SLC26A8: variants seen among roughly 807,000 people sequenced by gnomAD.
SLC26A8 encodes the protein solute carrier family 26 member 8, also known as testis anion transporter 1.
In SLC26A8, 70 loss-of-function variants were observed where a neutral mutation model predicts 105.0. That is an observed-to-expected ratio of 0.67 (90% CI 0.55 to 0.81). SLC26A8 has a LOEUF of 0.81. Among genes scored for constraint, SLC26A8 ranks in the 40% least tolerant of loss-of-function variants. The pLI is 0.00. For missense variants in SLC26A8, 998 were observed against 1,181.8 expected (o/e 0.84, Z 2.28); for synonymous variants, 415 against 438.3 (o/e 0.95, Z 0.66).
rs371327114 is a variant in SLC26A8, at chr6:35,976,550, C to CT, written c.1173+653dup. Reference sequence around the variant, plus strand: ...AACTGTATGGTATTAGAAGCCCTCGCTTTTTTTTTTTTTTTTTTGAGATGG... The same window carrying CT: ...AACTGTATGGTATTAGAAGCCCTCGCTTTTTTTTTTTTTTTTTTTGAGATGG... On this transcript the variant is annotated intron_variant, in intron 9 of 19. Coordinates refer to ENST00000490799, the MANE Select transcript of SLC26A8 (RefSeq NM_052961.4). 5.8e-3 allele frequency among the ~76,000 whole-genome samples: 753 copies of CT among 130,124 alleles called. 12 individuals are homozygous for CT. Among genetic ancestry groups the CT allele is most frequent in the South Asian group, 0.013 (54 of 4,068 alleles). 85.4% of individuals were successfully genotyped at this position (130,124 alleles called of 152,430 possible).
intron 11 of SLC26A8, among the ~76,000 whole-genome samples, chr6:35,968,609 G>GTGTGTGTATATATA (rs1168496588): frequency 1.7e-5 from 1 of 60,070 alleles, no homozygotes; most frequent in African/African-American, 5.2e-5. Context: ...GTGTGTGTGT[G>GTGTGTGTATATATA]TATATATATA....
chr6:35,957,712 T>G (rs931336410), intron 16 of SLC26A8, among the ~76,000 whole-genome samples: 2 of 151,936 alleles, frequency 1.3e-5, no homozygotes, highest in East Asian at 3.9e-4. Flanking sequence ...GTTCAAGCGA[T>G]TCTCCTGCCT....
chr6:35,956,428 C>CAA (rs56146863), intron 16 of SLC26A8, among the ~76,000 whole-genome samples: 78 of 105,838 alleles, frequency 7.4e-4, no homozygotes, highest in African/African-American at 1.9e-3. Context: ...ACCTTATGTC[C>CAA]AAAAAAAAAA....
chr6:35,968,899 T>C lies in SLC26A8; in HGVS notation c.1343A>G (p.His448Arg). Reference protein sequence around the residue: ...VMLLLMVKMGHFFYTLPNAVL... With the variant: ...VMLLLMVKMGRFFYTLPNAVL... ...TACATTTGGCAGTGTGTAGAAAAAGTGTCCCATCTTCACCATCAGGAGCAG... is the reference window on the plus strand; with the variant it reads ...TACATTTGGCAGTGTGTAGAAAAAGCGTCCCATCTTCACCATCAGGAGCAG... Residue 448 changes from histidine (H) to arginine (R), a missense_variant, in exon 11 of 20, where the codon CAC becomes CGC. Coordinates refer to ENST00000490799, the MANE Select transcript of SLC26A8 (RefSeq NM_052961.4). 1 of 1,608,974 alleles carries C rather than the reference T, an allele frequency of 6.2e-7. No individual in the cohort carries two copies. Among genetic ancestry groups the C allele is most frequent in the South Asian group, 1.1e-5 (1 of 90,846 alleles).
intron 10 of SLC26A8, among the ~76,000 whole-genome samples, chr6:35,971,475 C>A (rs1271238472): frequency 6.6e-6 from 1 of 152,204 alleles, no homozygotes; most frequent in African/African-American, 2.4e-5. Context: ...GTACAGGGGG[C>A]TCCATGAAGT....
In SLC26A8 at chr6:35,962,606, T is replaced by C. The variant is rs765158766; in HGVS notation, c.1381A>G (p.Ile461Val). 6.2e-7 allele frequency: 1 copy of C among 1,614,134 alleles called. No individual in the cohort carries two copies. Among genetic ancestry groups the C allele is most frequent in the Non-Finnish European group, 8.5e-7 (1 of 1,180,012 alleles). ...YTLPNAVLAGIILSNVIPYLE... is the reference protein window; with the variant it reads ...YTLPNAVLAGVILSNVIPYLE... The stretch of plus-strand genomic sequence containing the variant: ...TAGGGAATGACGTTGCTCAGAATAA[T>C]ACCAGCCAGCACAGCCTGTGGGGAA... The change falls in exon 12 of 20, where the codon ATT (isoleucine) becomes GTT (valine). Residue 461 changes from isoleucine (I) to valine (V), a missense_variant. Transcript: ENST00000490799.
At chr6:35,972,324 TCTGG>T (rs1772827692) in intron 10 of SLC26A8, among the ~76,000 whole-genome samples, 1 of 151,052 alleles carries the variant, frequency 6.6e-6, no homozygotes, top group Non-Finnish European at 1.5e-5. Flanking sequence ...ATCCTAGCAC[TCTGG>T]GGGGCTGAAG....
intron 10 of SLC26A8, among the ~76,000 whole-genome samples, chr6:35,974,972 G>T (rs58179828): frequency 6.6e-6 from 1 of 150,592 alleles, no homozygotes; most frequent in Non-Finnish European, 1.5e-5. Flanking sequence ...TAGCCAGGCT[G>T]GTCTCAAACT....
intron 6 of SLC26A8, 71 bp downstream of exon 6, chr6:35,992,439 T>G: frequency 6.6e-7 from 1 of 1,513,876 alleles, no homozygotes; most frequent in East Asian, 2.3e-5. Context: ...GTCTCCCTAC[T>G]GAGCTCCACT....
intron 19 of SLC26A8, among the ~76,000 whole-genome samples, chr6:35,949,953 G>A (rs1188402874): frequency 5.9e-5 from 9 of 151,434 alleles, no homozygotes; most frequent in Admixed American, 2.0e-4. Flanking sequence ...CTACAGGCGC[G>A]TGCCACCACG....
At chr6:35,989,172 G>A (rs1773653391) in intron 7 of SLC26A8, among the ~76,000 whole-genome samples, 1 of 151,990 alleles carries the variant, frequency 6.6e-6, no homozygotes. Flanking sequence ...TTATACGCCA[G>A]GTAACTGCCA....
chr6:35,956,897 C>T (rs1399931894), intron 16 of SLC26A8, among the ~76,000 whole-genome samples: 3 of 143,160 alleles, frequency 2.1e-5, no homozygotes, highest in Non-Finnish European at 4.5e-5. Flanking sequence ...CCAGCCTGGG[C>T]AATAAGAGCA....
chr6:36,012,282 C>T lies in SLC26A8; in HGVS notation c.279G>A (p.Leu93=). 1 of 1,611,886 alleles carries T rather than the reference C, an allele frequency of 6.2e-7. No individual in the cohort carries two copies. The highest frequency in any genetic ancestry group is 8.5e-7 in the Non-Finnish European group (1 of 1,179,396). The change falls in exon 3 of 20, where the codon CTG becomes CTA. Residue 93 remains leucine (L), a synonymous_variant. Coordinates refer to ENST00000490799, the MANE Select transcript of SLC26A8 (RefSeq NM_052961.4). Reference sequence around the variant, plus strand: ...CACTTATACCAGCAAGTAAGTCTCCCAGAAGCCAATCCTTTAATCGATACA... The same window carrying T: ...CACTTATACCAGCAAGTAAGTCTCCTAGAAGCCAATCCTTTAATCGATACA... ...MCMYRLKDWL[L]GDLLAGISVG...
chr6:35,992,483 C>T, intron 6 of SLC26A8, 27 bp downstream of exon 6: 1 of 1,593,648 alleles, frequency 6.3e-7, no homozygotes, highest in Non-Finnish European at 8.5e-7. Flanking sequence ...GCATTTGTAA[C>T]TCTGGGTAAG....
intron 3 of SLC26A8, among the ~76,000 whole-genome samples, chr6:36,001,588 T>C (rs1197640236): frequency 6.6e-6 from 1 of 152,258 alleles, no homozygotes; most frequent in Non-Finnish European, 1.5e-5. Flanking sequence ...GGTTGCTCTC[T>C]CATTCAGGTC....
In SLC26A8 at chr6:35,959,433, A is replaced by G. The variant is rs373233137; in HGVS notation, c.1863+27T>C. On this transcript the variant is annotated intron_variant, in intron 16 of 19. Coordinates refer to ENST00000490799, the MANE Select transcript of SLC26A8 (RefSeq NM_052961.4). ...ACTTGTTTATAAAATATGGAGAAAA[A>G]CATAGGAAAGAAAAGGCATTTCTAA... is the stretch of plus-strand genomic sequence containing the variant. 1.5e-5 allele frequency: 24 copies of G among 1,581,452 alleles called. No individual in the cohort carries two copies. The African/African-American group carries it at 3.0e-4, about 20-fold the overall frequency.
intron 18 of SLC26A8, 39 bp from the exon 19 acceptor site, chr6:35,951,386 T>C: frequency 6.2e-7 from 1 of 1,614,008 alleles, no homozygotes; most frequent in Non-Finnish European, 8.5e-7. Context: ...TGTCAGATAC[T>C]TGGGGAGCAG....
Position 35,944,031 on chromosome 6 carries a change from A to G in SLC26A8, c.2782T>C (p.Tyr928His), listed in dbSNP as rs1161412400. 1.1e-5 allele frequency: 18 copies of G among 1,614,032 alleles called. No homozygotes were observed. The highest frequency in any genetic ancestry group is 1.5e-5 in the Non-Finnish European group (18 of 1,180,034). Reference protein sequence around the residue: ...PRAHTFPQQRYWPMYHPSMAS... With the variant: ...PRAHTFPQQRHWPMYHPSMAS... ...ATAGACGGATGATACATAGGCCAGT[A>G]ACGCTGCTGAGGAAAAGTGTGAGCT... is the stretch of plus-strand genomic sequence containing the variant. The change falls in exon 20 of 20, where the codon TAC (tyrosine) becomes CAC (histidine). Residue 928 changes from tyrosine (Y) to histidine (H), a missense_variant. Physicochemically the swap from Tyr to His is moderately conservative, Grantham distance 83. Transcript: ENST00000490799.
intron 8 of SLC26A8, among the ~76,000 whole-genome samples, chr6:35,978,951 C>G (rs977395758): frequency 6.6e-6 from 1 of 150,736 alleles, no homozygotes; most frequent in African/African-American, 2.4e-5. Flanking sequence ...ATAAATCCTC[C>G]CACCTCAGCC....
Sources: gnomAD v4.1 joint callset for allele counts (sites outside exome capture counted in the v4.1 genomes callset) on GRCh38, gnomAD v4.1.1 for gene constraint, MANE v1.5 for transcripts, NCBI Gene and HGNC (gene_info 2026-07-23, HGNC 2026-07-21) for gene names.